The following SLC6A20 variants were observed in gnomAD, a reference collection of about 807,000 sequenced individuals.
The protein encoded by SLC6A20 is solute carrier family 6 member 20.
Under a neutral mutation model 64.3 loss-of-function variants are expected in SLC6A20, and 73 were observed. The ratio of observed to expected loss-of-function variants is 1.14; its 90% confidence interval spans 0.94 to 1.38. SLC6A20 has a LOEUF of 1.38. SLC6A20 is among the 40% of genes most tolerant of loss of function. The pLI, the probability that SLC6A20 is intolerant of heterozygous loss-of-function variation, is 0.00. For synonymous variants in SLC6A20, 347 were observed against 329.6 expected, an observed-to-expected ratio of 1.05 and a Z score of -0.57; for missense variants, 725 against 772.8, an observed-to-expected ratio of 0.94 and a Z score of 0.73.
At position 45,771,441 on chromosome 3, in the gene SLC6A20, G is replaced by T. The variant is rs768506905; in HGVS notation, c.711C>A (p.Asn237Lys). 2 of 1,614,230 alleles carry T rather than the reference G, an allele frequency of 1.2e-6. No individual in the cohort carries two copies. Among genetic ancestry groups the T allele is most frequent in the Admixed American group, 3.3e-5 (2 of 60,028 alleles). Residue 237 changes from asparagine to lysine, a missense_variant, in exon 6 of 11, where the codon AAC becomes AAA. Transcript: ENST00000358525. ...MFTPKIEQLA[N>K]PKAWINAATQ... ...TGGCTGCATTGATCCAGGCCTTGGG[G>T]TTGGCCAGCTGCTCTATCTGGAAGG...
rs1441078497 is a variant in SLC6A20, at chr3:45,759,848, A to G, written c.1629+9T>C. The G allele has an allele frequency of 8.1e-6, 13 of 1,610,118 alleles. No homozygotes were observed. Among genetic ancestry groups the G allele is most frequent in the Non-Finnish European group, 1.0e-5 (12 of 1,178,430 alleles). On this transcript the variant is annotated intron_variant, in intron 10 of 10. Transcript: ENST00000358525. ...GGCCCAGCGCCAGCCCTACGGAGAC[A>G]GTAGATACCTGGGAGGCGTCCCAGG...
At chr3:45,795,318 A>G (rs1410173812) in intron 1 of SLC6A20, among the ~76,000 whole-genome samples, 1 of 119,318 alleles carries the variant, frequency 8.4e-6, no homozygotes, top group Non-Finnish European at 1.7e-5. Flanking sequence ...AATACAGGAT[A>G]CGAGAAAATA....
intron 1 of SLC6A20, among the ~76,000 whole-genome samples, chr3:45,785,276 C>A (rs1301599205): frequency 1.3e-5 from 2 of 152,088 alleles, no homozygotes. Context: ...TAAAGGGATG[C>A]AAAGTATTGA....
rs373634470 is a variant in SLC6A20, at chr3:45,775,736, G to A, written c.582+25C>T. The A allele has an allele frequency of 1.7e-4, 272 of 1,600,476 alleles. 1 individual carries two copies. The East Asian group carries it at 5.2e-3, about 31-fold the overall frequency. ...CACCCTCCCACCCACCAGGAGCACC[G>A]GGCTTCTGTGCCTCACTGTCCCACC... On this transcript the variant is annotated intron_variant, in intron 4 of 10. Coordinates refer to ENST00000358525, the MANE Select transcript of SLC6A20 (RefSeq NM_020208.4).
rs913333687 is a variant in SLC6A20 at position 45,756,953 on chromosome 3, C to T, written c.*2025G>A. ...TCTTAGCGAGGGGAGTGTAGCAGGG[C>T]AACAGGTGGGAAGAAGGTCAGCAGG... On this transcript the variant is annotated 3_prime_UTR_variant, in exon 11 of 11. Transcript: ENST00000358525. 2.6e-5 allele frequency: 4 copies of T among 151,986 alleles called. No individual in the cohort carries two copies. The highest frequency in any genetic ancestry group is 2.0e-4 in the Admixed American group (3 of 15,254). 9.4% of individuals were successfully genotyped at this position (151,986 alleles called of 1,614,324 possible).
intron 7 of SLC6A20, among the ~76,000 whole-genome samples, chr3:45,767,935 A>G (rs981577327): frequency 5.9e-5 from 9 of 152,384 alleles, no homozygotes; most frequent in African/African-American, 1.9e-4. Flanking sequence ...TGTCTTTAAA[A>G]GATAGATGCC....
intron 1 of SLC6A20, among the ~76,000 whole-genome samples, chr3:45,795,497 C>T (rs1700330455): frequency 6.6e-6 from 1 of 152,162 alleles, no homozygotes. Flanking sequence ...AGAACTCTGA[C>T]AATTTCCTTT....
intron 7 of SLC6A20, among the ~76,000 whole-genome samples, chr3:45,769,192 C>T (rs187944113): frequency 2.0e-5 from 3 of 152,176 alleles, no homozygotes; most frequent in Admixed American, 2.0e-4. Flanking sequence ...GAAAGATGTG[C>T]CAAGACATTC....
chr3:45,780,194 C>T (rs2125650609), intron 2 of SLC6A20, 94 bp from the exon 3 acceptor site: 6 of 1,285,432 alleles, frequency 4.7e-6, no homozygotes, highest in South Asian at 4.0e-5. Context: ...CCTGTGGCGA[C>T]CGCCCCGGGG....
intron 7 of SLC6A20, among the ~76,000 whole-genome samples, chr3:45,767,776 G>T (rs1015877065): frequency 6.6e-6 from 1 of 152,158 alleles, no homozygotes; most frequent in Non-Finnish European, 1.5e-5. Flanking sequence ...ACGAAGAGAA[G>T]ATCATGAGAA....
chr3:45,764,047 G>A (rs976802180), intron 8 of SLC6A20, among the ~76,000 whole-genome samples: 2 of 152,216 alleles, frequency 1.3e-5, no homozygotes, highest in East Asian at 1.9e-4. Context: ...TGAAGGAGAT[G>A]GCCTGGGAGC....
chr3:45,770,500 G>T, intron 6 of SLC6A20, 129 bp from the exon 7 acceptor site: 1 of 1,176,728 alleles, frequency 8.5e-7, no homozygotes, highest in Non-Finnish European at 1.2e-6. Flanking sequence ...CTTTTAAAGG[G>T]CAGGGTAATT....
Position 45,770,254 on chromosome 3 carries a change from C to T in SLC6A20, c.1053G>A (p.Met351Ile), listed in dbSNP as rs192866421. The change falls in exon 7 of 11, where the codon ATG (methionine) becomes ATA (isoleucine). Residue 351 changes from methionine (M) to isoleucine (I), a missense_variant. Coordinates refer to ENST00000358525, the MANE Select transcript of SLC6A20 (RefSeq NM_020208.4). ...ASAYPSKYSE[M>I]FPQIKNCSLE... ...AGCTGCAGTTTTTGATTTGCGGGAA[C>T]ATCTCGCTGTATTTGCTTGGGTAGG... The T allele has an allele frequency of 3.7e-6, 6 of 1,614,234 alleles. No homozygotes were observed. In the African/African-American group the frequency reaches 8.0e-5, roughly 22 times the overall value.
chr3:45,777,333 A>G (rs995229758), intron 3 of SLC6A20, among the ~76,000 whole-genome samples: 23 of 151,946 alleles, frequency 1.5e-4, no homozygotes, highest in African/African-American at 5.1e-4. Context: ...ATACCTCCCC[A>G]GGCCACCCTA....
In SLC6A20 at chr3:45,775,977, C is replaced by A. The variant is rs202049492; in HGVS notation, c.366G>T (p.Pro122=). ...TACCATTCAGTGGGCAGACAGACCA[C>A]GGCAGGGGATCCTGTGGGACCAAAG... ...YLFHSFQDPL[P]WSVCPLNGNH... Residue 122 remains proline, a synonymous_variant, in exon 4 of 11, where the codon CCG becomes CCT. Transcript: ENST00000358525. The A allele has an allele frequency of 6.2e-7, 1 of 1,614,154 alleles. No homozygotes were observed. The highest frequency in any genetic ancestry group is 2.2e-5 in the East Asian group (1 of 44,884).
intron 9 of SLC6A20, 73 bp from the exon 10 acceptor site, chr3:45,760,095 C>T (rs886198188): frequency 6.7e-7 from 1 of 1,496,906 alleles, no homozygotes; most frequent in African/African-American, 1.4e-5. Flanking sequence ...CTTGCCTGTC[C>T]CTATTCACAA....
In SLC6A20 at chr3:45,776,408, G is replaced by A. The variant is rs1409849890; in HGVS notation, c.355-420C>T. ...TGCTTAGGACTTGGTCAATGATTGA[G>A]AGAGTCCCTATTTTTTGGCCAACTC... On this transcript the variant is annotated intron_variant, in intron 3 of 10. Transcript: ENST00000358525. 2.6e-5 allele frequency among the ~76,000 whole-genome samples: 4 copies of A among 152,148 alleles called. No homozygotes were observed. The East Asian group carries it at 7.7e-4, about 29-fold the overall frequency.
At chr3:45,782,027 C>T (rs557021636) in intron 2 of SLC6A20, 56 bp downstream of exon 2, 1 of 1,509,954 alleles carries the variant, frequency 6.6e-7, no homozygotes, top group Admixed American at 2.2e-5. Flanking sequence ...ATCCCACCCA[C>T]ACCCCCATGC....
Position 45,759,899 on chromosome 3 carries a change from GA to G in SLC6A20, c.1586del (p.Ile529ThrfsTer6), listed in dbSNP as rs753568913. The stretch of plus-strand genomic sequence containing the variant: ...CTTGATACTTCAGGGTCCCCGTGAG[GA>G]TGTAGTCGCTCAGGTAGAAGACAAA... ...SLFVFYLSDY[I>X]LTGTLKYQAW... On this transcript the variant is annotated frameshift_variant, in exon 10 of 11. Transcript: ENST00000358525. LOFTEE classifies it low-confidence loss of function (END_TRUNC). 6.2e-7 allele frequency: 1 copy of G among 1,614,176 alleles called. No homozygotes were observed. Among genetic ancestry groups the G allele is most frequent in the Non-Finnish European group, 8.5e-7 (1 of 1,180,028 alleles).
Sources: allele counts gnomAD v4.1 joint callset (sites outside exome capture counted in the v4.1 genomes callset), GRCh38; gene constraint gnomAD v4.1.1; transcripts MANE v1.5; gene names NCBI Gene and HGNC (gene_info 2026-07-23, HGNC 2026-07-21).